The following HTR4 variants were observed in gnomAD, a reference collection of about 807,000 sequenced individuals.
HTR4 encodes 5-hydroxytryptamine (serotonin) receptor 4, G protein-coupled.
Under a neutral mutation model 36.8 loss-of-function variants are expected in HTR4, and 16 were observed. The observed-to-expected ratio is 0.43, with a 90% CI of 0.29 to 0.66. The LOEUF (loss-of-function observed/expected upper bound fraction) is 0.66. Ranked by LOEUF, HTR4 falls within the 30% of genes least tolerant of loss-of-function variation. HTR4 has a pLI of 0.13. For synonymous variants in HTR4, 189 were observed against 185.1 expected, an observed-to-expected ratio of 1.02 and a Z score of -0.17; for missense variants, 438 against 490.9, an observed-to-expected ratio of 0.89 and a Z score of 1.02.
At chr5:148,600,340 T>C (rs929757905) in intron 2 of HTR4, among the ~76,000 whole-genome samples, 48 of 134,858 alleles carry the variant, frequency 3.6e-4, no homozygotes, top group Non-Finnish European at 5.6e-4. Flanking sequence ...ATATTATTTA[T>C]ATATATATAT....
chr5:148,458,023 A>G (rs1172986489), intron 5 of HTR4, among the ~76,000 whole-genome samples: 1 of 138,712 alleles, frequency 7.2e-6, no homozygotes, highest in African/African-American at 2.6e-5. Flanking sequence ...ATATTAAATT[A>G]AGATATATTT....
chr5:148,565,450 T>C (rs1056672517), intron 2 of HTR4, among the ~76,000 whole-genome samples: 3 of 152,034 alleles, frequency 2.0e-5, no homozygotes, highest in Non-Finnish European at 4.4e-5. Context: ...CAATTTAATA[T>C]AGCAGAGAAG....
chr5:148,518,311 T>C (rs1454394684), intron 5 of HTR4, among the ~76,000 whole-genome samples: 2 of 152,156 alleles, frequency 1.3e-5, no homozygotes, highest in African/African-American at 4.8e-5. Context: ...TACAAGGATG[T>C]GGGTCATTGT....
chr5:148,599,936 C>G (rs1230207293), intron 2 of HTR4, among the ~76,000 whole-genome samples: 1 of 151,294 alleles, frequency 6.6e-6, no homozygotes, highest in East Asian at 1.9e-4. Context: ...GAATATACTT[C>G]TAACAAATCA....
intron 5 of HTR4, among the ~76,000 whole-genome samples, chr5:148,452,950 C>A (rs117873891): frequency 6.6e-6 from 1 of 152,214 alleles, no homozygotes; most frequent in Non-Finnish European, 1.5e-5. Flanking sequence ...CCATGCCTTG[C>A]GTACTTGGCT....
chr5:148,632,508 A>C (rs1282399814), intron 2 of HTR4, among the ~76,000 whole-genome samples: 1 of 152,146 alleles, frequency 6.6e-6, no homozygotes, highest in Non-Finnish European at 1.5e-5. Context: ...CAGGGAGGTG[A>C]GTCAAGGGTA....
chr5:148,465,577 C>G (rs539955909), intron 5 of HTR4, among the ~76,000 whole-genome samples: 1 of 152,224 alleles, frequency 6.6e-6, no homozygotes, highest in South Asian at 2.1e-4. Context: ...GATTTCAGCT[C>G]CATCGCAGTG....
intron 2 of HTR4, among the ~76,000 whole-genome samples, chr5:148,606,272 A>C (rs1305510773): frequency 1.3e-5 from 2 of 152,090 alleles, no homozygotes; most frequent in African/African-American, 4.8e-5. Flanking sequence ...GAATGCAGGA[A>C]GGATTTGAGG....
At chr5:148,455,901 A>G (rs763358531) in intron 5 of HTR4, among the ~76,000 whole-genome samples, 1 of 152,092 alleles carries the variant, frequency 6.6e-6, no homozygotes, top group Admixed American at 6.5e-5. Flanking sequence ...CATCCTCAGC[A>G]TCTTCACACT....
chr5:148,627,996 A>T (rs543917816), intron 2 of HTR4, among the ~76,000 whole-genome samples: 1 of 152,228 alleles, frequency 6.6e-6, no homozygotes, highest in Non-Finnish European at 1.5e-5. Flanking sequence ...TATGAAAGGT[A>T]ATGTGATAGT....
At chr5:148,637,798 T>G (rs1753597536) in intron 1 of HTR4, among the ~76,000 whole-genome samples, 1 of 152,200 alleles carries the variant, frequency 6.6e-6, no homozygotes, top group African/African-American at 2.4e-5. Flanking sequence ...CATTTTTGCA[T>G]TTTTATATCT....
At chr5:148,476,302 G>A (rs975825111), downstream of HTR4, among the ~76,000 whole-genome samples, 6 of 152,160 alleles carry the variant, frequency 3.9e-5, no homozygotes, top group Non-Finnish European at 8.8e-5. Flanking sequence ...ACTTCAGTCC[G>A]CTTCATCACA....
chr5:148,603,435 T>C (rs1762064355), intron 2 of HTR4, among the ~76,000 whole-genome samples: 1 of 152,056 alleles, frequency 6.6e-6, no homozygotes, highest in African/African-American at 2.4e-5. Flanking sequence ...CTATACTTAA[T>C]AGGGAAATGC....
intron 2 of HTR4, among the ~76,000 whole-genome samples, chr5:148,596,216 T>C (rs1319856819): frequency 1.3e-5 from 2 of 152,222 alleles, no homozygotes; most frequent in Non-Finnish European, 2.9e-5. Flanking sequence ...TCTTAGTATG[T>C]GCCGATAATA....
At chr5:148,610,224 C>T (rs963327540) in intron 2 of HTR4, among the ~76,000 whole-genome samples, 3 of 152,160 alleles carry the variant, frequency 2.0e-5, no homozygotes, top group African/African-American at 4.8e-5. Flanking sequence ...GGAACAGCTC[C>T]GGTCTACAGC....
intron 4 of HTR4, among the ~76,000 whole-genome samples, chr5:148,545,202 C>T (rs1759328097): frequency 6.6e-6 from 1 of 152,156 alleles, no homozygotes; most frequent in Non-Finnish European, 1.5e-5. Flanking sequence ...CCAAGCTCCC[C>T]AAGGAAAATA....
intron 2 of HTR4, among the ~76,000 whole-genome samples, chr5:148,554,114 T>G (rs1759822243): frequency 6.6e-6 from 1 of 152,220 alleles, no homozygotes; most frequent in Non-Finnish European, 1.5e-5. Context: ...TTGCTCTTGT[T>G]GCCCAGGCTG....
chr5:148,649,064 A>G (rs1209195824), intron 1 of HTR4, among the ~76,000 whole-genome samples: 1 of 152,188 alleles, frequency 6.6e-6, no homozygotes, highest in African/African-American at 2.4e-5. Flanking sequence ...AAGTTTTCTT[A>G]AAGTGTCTAG....
chr5:148,653,325 T>C (rs1754093395), intron 1 of HTR4, among the ~76,000 whole-genome samples: 1 of 152,234 alleles, frequency 6.6e-6, no homozygotes, highest in South Asian at 2.1e-4. Context: ...GACAAGCTCA[T>C]GCCTACCACT....
Sources: gnomAD v4.1 joint callset for allele counts (sites outside exome capture counted in the v4.1 genomes callset) on GRCh38, gnomAD v4.1.1 for gene constraint, MANE v1.5 for transcripts, NCBI Gene and HGNC (gene_info 2026-07-23, HGNC 2026-07-21) for gene names.